CCSER1: variants seen among roughly 807,000 people sequenced by gnomAD.
The protein encoded by CCSER1 is serine-rich coiled-coil domain-containing protein 1.
CCSER1 carries 41 observed loss-of-function variants against 82.0 expected under a neutral mutation model. That is an observed-to-expected ratio of 0.50 (90% confidence interval 0.39 to 0.65). CCSER1 has a LOEUF of 0.65. Ranked by LOEUF, CCSER1 falls within the 30% of genes least tolerant of loss-of-function variation. The probability of loss-of-function intolerance (pLI) is 0.00; values close to 1 mark genes in which losing one functional copy is unlikely to be tolerated. For synonymous variants in CCSER1, 414 were observed against 383.9 expected, an observed-to-expected ratio of 1.08 and a Z score of -0.92; for missense variants, 1,119 against 1,064.2, an observed-to-expected ratio of 1.05 and a Z score of -0.72.
intron 7 of CCSER1, among the ~76,000 whole-genome samples, chr4:90,730,220 C>A (rs1048884345): frequency 2.0e-5 from 3 of 152,188 alleles, no homozygotes; most frequent in Non-Finnish European, 1.5e-5. Context: ...GTGGCATGAC[C>A]TTCACAACAT....
chr4:91,459,843 C>T (rs1438718635), intron 10 of CCSER1, among the ~76,000 whole-genome samples: 1 of 152,034 alleles, frequency 6.6e-6, no homozygotes, highest in Non-Finnish European at 1.5e-5. Flanking sequence ...TTCTGTTGTT[C>T]ACTTGCTTAC....
At chr4:90,890,566 G>T (rs1722815124) in intron 8 of CCSER1, among the ~76,000 whole-genome samples, 1 of 152,134 alleles carries the variant, frequency 6.6e-6, no homozygotes. Flanking sequence ...GCCCAGCTTT[G>T]CTCTCTTCAC....
chr4:91,297,845 T>C (rs1292995201), intron 10 of CCSER1, among the ~76,000 whole-genome samples: 1 of 152,014 alleles, frequency 6.6e-6, no homozygotes. Context: ...GGAAAAGTGG[T>C]AAAAACAGTA....
intron 9 of CCSER1, among the ~76,000 whole-genome samples, chr4:91,065,885 T>C (rs1035911665): frequency 3.3e-5 from 5 of 152,252 alleles, no homozygotes; most frequent in Admixed American, 2.6e-4. Context: ...ATTAAAATGT[T>C]AGGAAAACAC....
chr4:91,341,620 C>T (rs984778418), intron 10 of CCSER1, among the ~76,000 whole-genome samples: 1 of 152,052 alleles, frequency 6.6e-6, no homozygotes, highest in African/African-American at 2.4e-5. Flanking sequence ...TGTGCCATGT[C>T]GGCTCACTGC....
chr4:90,232,268 A>T (rs984606181), intron 1 of CCSER1, among the ~76,000 whole-genome samples: 5 of 151,430 alleles, frequency 3.3e-5, no homozygotes, highest in Non-Finnish European at 7.4e-5. Flanking sequence ...CCGGTACCAA[A>T]ACAGAGATGT....
chr4:91,197,743 C>A (rs1254021179), intron 10 of CCSER1, among the ~76,000 whole-genome samples: 1 of 152,068 alleles, frequency 6.6e-6, no homozygotes, highest in Non-Finnish European at 1.5e-5. Context: ...GCACTCTAAC[C>A]CCTAGATTGG....
intron 10 of CCSER1, among the ~76,000 whole-genome samples, chr4:91,224,828 A>G (rs1235124455): frequency 4.6e-5 from 7 of 151,872 alleles, no homozygotes; most frequent in Non-Finnish European, 1.0e-4. Context: ...CCATGAATAA[A>G]TTCCTTGTGA....
chr4:90,687,304 C>G (rs576870477), intron 6 of CCSER1, among the ~76,000 whole-genome samples: 1 of 152,022 alleles, frequency 6.6e-6, no homozygotes, highest in Non-Finnish European at 1.5e-5. Context: ...TATCTTCTTA[C>G]TCTGCATCTC....
intron 10 of CCSER1, among the ~76,000 whole-genome samples, chr4:91,242,244 G>T (rs1031881459): frequency 2.2e-4 from 34 of 152,164 alleles, no homozygotes; most frequent in Middle Eastern, 3.2e-3. Flanking sequence ...CGGTGTGATT[G>T]GAAGGGAGTA....
chr4:90,626,925 C>A (rs1285222460), intron 5 of CCSER1, among the ~76,000 whole-genome samples: 1 of 152,122 alleles, frequency 6.6e-6, no homozygotes, highest in Non-Finnish European at 1.5e-5. Context: ...CATTTTACAT[C>A]CATTTCTCAC....
intron 3 of CCSER1, among the ~76,000 whole-genome samples, chr4:90,346,086 A>G (rs1412473279): frequency 6.6e-6 from 1 of 151,944 alleles, no homozygotes; most frequent in African/African-American, 2.4e-5. Flanking sequence ...CTTTTTCTAT[A>G]TAAAATGGTG....
At chr4:90,953,208 A>G (rs13114931) in intron 9 of CCSER1, among the ~76,000 whole-genome samples, 10,576 of 152,016 alleles carry the variant, frequency 0.07, 500 homozygotes, top group East Asian at 0.18. Flanking sequence ...TGATTGGCAT[A>G]TTAGTGGCAA....
intron 10 of CCSER1, among the ~76,000 whole-genome samples, chr4:91,475,655 G>A (rs1348159266): frequency 1.3e-5 from 2 of 151,856 alleles, no homozygotes; most frequent in East Asian, 3.9e-4. Flanking sequence ...TGATTTGTGT[G>A]GGGAACATTA....
intron 6 of CCSER1, among the ~76,000 whole-genome samples, chr4:90,661,239 G>A (rs1164482803): frequency 6.6e-6 from 1 of 152,054 alleles, no homozygotes; most frequent in African/African-American, 2.4e-5. Context: ...AATTTATTCT[G>A]TAGTTTTTAA....
intron 10 of CCSER1, among the ~76,000 whole-genome samples, chr4:91,192,105 C>CAGGA (rs1735043489): frequency 6.6e-6 from 1 of 152,206 alleles, no homozygotes; most frequent in South Asian, 2.1e-4. Flanking sequence ...CTTTGTGACA[C>CAGGA]AGGACATTGG....
chr4:91,177,279 TC>T, intron 10 of CCSER1, among the ~76,000 whole-genome samples: 1 of 152,238 alleles, frequency 6.6e-6, no homozygotes, highest in Admixed American at 6.5e-5. Context: ...TCTAAAATTC[TC>T]TTTTTCTGCT....
At chr4:91,149,764 G>A (rs1030450723) in intron 10 of CCSER1, among the ~76,000 whole-genome samples, 1 of 152,156 alleles carries the variant, frequency 6.6e-6, no homozygotes, top group African/African-American at 2.4e-5. Context: ...GTTTTTGTCA[G>A]ATTTGTCAAA....
At chr4:91,038,867 G>A (rs946193985) in intron 9 of CCSER1, among the ~76,000 whole-genome samples, 1 of 152,186 alleles carries the variant, frequency 6.6e-6, no homozygotes, top group African/African-American at 2.4e-5. Context: ...GCAGTGGCCA[G>A]AAAGAGGACA....
Sources: gnomAD v4.1 joint callset for allele counts (sites outside exome capture counted in the v4.1 genomes callset) on GRCh38, gnomAD v4.1.1 for gene constraint, MANE v1.5 for transcripts, NCBI Gene and HGNC (gene_info 2026-07-23, HGNC 2026-07-21) for gene names.